Variants in ATAD5 observed in about 807,000 individuals in gnomAD.
ATAD5 encodes the protein ATPase family AAA domain containing 5, also known as ATPase family AAA domain-containing protein 5.
A neutral mutation model predicts 176.9 loss-of-function variants in ATAD5; 58 were observed. The ratio of observed to expected loss-of-function variants is 0.33; its 90% confidence interval spans 0.27 to 0.41. The LOEUF is 0.41. ATAD5 is among the 10% of genes least tolerant of loss of function. ATAD5 has a pLI of 1.00. For synonymous variants in ATAD5, 640 were observed against 712.6 expected, an observed-to-expected ratio of 0.90 and a Z score of 1.62; for missense variants, 1,789 against 2,094.1, an observed-to-expected ratio of 0.85 and a Z score of 2.84.
chr17:30,834,619 A>G lies in ATAD5; in HGVS notation c.538A>G (p.Asn180Asp). The G allele has an allele frequency of 6.2e-7, 1 of 1,611,702 alleles. No homozygotes were observed. The highest frequency in any genetic ancestry group is 8.5e-7 in the Non-Finnish European group (1 of 1,179,478). The change falls in exon 2 of 23, where the codon AAT becomes GAT. Residue 180 changes from asparagine (N) to aspartate (D), a missense_variant. Asn to Asp is a conservative substitution (Grantham distance 23, BLOSUM62 1). Coordinates refer to ENST00000321990, the MANE Select transcript of ATAD5 (RefSeq NM_024857.5). The stretch of plus-strand genomic sequence containing the variant: ...CATTCAAGATACAAAAAGTCAACCA[A>G]ATACTATGACCTCCCTGCAAAATTC... Reference protein sequence around the residue: ...ENIQDTKSQPNTMTSLQNSKK... With the variant: ...ENIQDTKSQPDTMTSLQNSKK...
In ATAD5 at chr17:30,887,351, G is replaced by A; in HGVS notation, c.4237G>A (p.Glu1413Lys). 1.2e-6 allele frequency: 2 copies of A among 1,603,904 alleles called. No individual in the cohort carries two copies. Among genetic ancestry groups the A allele is most frequent in the South Asian group, 2.3e-5 (2 of 88,640 alleles). The change falls in exon 19 of 23, where the codon GAA becomes AAA. Residue 1413 changes from glutamate to lysine, a missense_variant. Coordinates refer to ENST00000321990, the MANE Select transcript of ATAD5 (RefSeq NM_024857.5). ...TAGAAGTGGAGGTGGAGTTTTAGAAGAACGACCATTAACCCTTTATCGTAA... is the reference window on the plus strand; with the variant it reads ...TAGAAGTGGAGGTGGAGTTTTAGAAAAACGACCATTAACCCTTTATCGTAA... ...WIRSGGGVLEERPLTLYRGNS... is the reference protein window; with the variant it reads ...WIRSGGGVLEKRPLTLYRGNS...
In ATAD5 at chr17:30,858,341, T is replaced by C. The variant is rs759585690; in HGVS notation, c.2956+18T>C. 3 of 1,411,902 alleles carry C rather than the reference T, an allele frequency of 2.1e-6. No individual in the cohort carries two copies. The highest frequency in any genetic ancestry group is 2.8e-6 in the Non-Finnish European group (3 of 1,071,080). The allele number at this position is 1,411,902 out of a possible 1,614,324, so 87.5% of individuals were successfully genotyped here. A position where few individuals can be genotyped will look rare whatever the true frequency, so the allele number is the denominator to read the frequency against. ...TAAACAAGGTTAGTGATAATTATTA[T>C]CATTTATGTTAACATACCAGTTTTG... On this transcript the variant is annotated intron_variant, in intron 9 of 22. Transcript: ENST00000321990.
chr17:30,858,434 G>A, intron 9 of ATAD5, 111 bp downstream of exon 9: 1 of 769,040 alleles, frequency 1.3e-6, no homozygotes, highest in South Asian at 5.1e-5. Context: ...CGCCCTGGCT[G>A]GAGTGCAGTG....
chr17:30,836,503 A>G (rs1242631466), intron 2 of ATAD5, among the ~76,000 whole-genome samples: 3 of 151,860 alleles, frequency 2.0e-5, no homozygotes, highest in African/African-American at 7.3e-5. Flanking sequence ...AGAGCTTCAA[A>G]AATGCTTCTT....
intron 19 of ATAD5, 124 bp downstream of exon 19, chr17:30,887,496 C>T: frequency 1.4e-6 from 1 of 733,578 alleles, no homozygotes; most frequent in Non-Finnish European, 2.2e-6. Flanking sequence ...GTGGGAGGAT[C>T]TCTTGAGGCC....
Position 30,843,875 on chromosome 17 carries a change from A to G in ATAD5, c.2242-38A>G, listed in dbSNP as rs1402938230. The G allele has an allele frequency of 2.6e-6, 3 of 1,149,800 alleles. No homozygotes were observed. In the East Asian group the frequency reaches 8.6e-5, roughly 33 times the overall value. 71.2% of individuals were successfully genotyped at this position (1,149,800 alleles called of 1,614,324 possible). On this transcript the variant is annotated intron_variant, in intron 4 of 22. Transcript: ENST00000321990. ...TTGAAATTTCAATGATATTAATTAT[A>G]TGATTTAATTAAAATTTATTCTCTT...
chr17:30,835,640 T>C lies in ATAD5; in HGVS notation c.1559T>C (p.Leu520Ser). 3.1e-6 allele frequency: 5 copies of C among 1,606,578 alleles called. No homozygotes were observed. Among genetic ancestry groups the C allele is most frequent in the Non-Finnish European group, 4.2e-6 (5 of 1,177,804 alleles). Residue 520 changes from leucine to serine, a missense_variant, in exon 2 of 23, where the codon TTA becomes TCA. Physicochemically the swap from Leu to Ser is moderately radical, Grantham distance 145. Around this residue, in one of 6 missense-constraint regions of ATAD5, gnomAD observed 696 missense variants for 712.5 expected, o/e 0.98. Transcript: ENST00000321990. ...AAACAATATCAAAATAGAATGAGTT[T>C]AAGACAAAGGAAAACAGAGTTTTTC... ...KEKQYQNRMS[L>S]RQRKTEFFKS...
chr17:30,860,063 G>A (rs1907532147), intron 9 of ATAD5, among the ~76,000 whole-genome samples: 2 of 151,756 alleles, frequency 1.3e-5, no homozygotes, highest in South Asian at 2.1e-4. Context: ...TCACTTTGTC[G>A]CCCAGGCTAG....
Position 30,834,816 on chromosome 17 carries a change from T to C in ATAD5, c.735T>C (p.His245=), listed in dbSNP as rs548306992. Residue 245 remains histidine, a synonymous_variant, in exon 2 of 23, where the codon CAT becomes CAC. Coordinates refer to ENST00000321990, the MANE Select transcript of ATAD5 (RefSeq NM_024857.5). ...AACAGATGGAGAATACTACAAGCCATGCAAACTCTAGAGATAACGTAACTG... is the reference window on the plus strand; with the variant it reads ...AACAGATGGAGAATACTACAAGCCACGCAAACTCTAGAGATAACGTAACTG... The part of the protein sequence containing the change: ...DTKQMENTTS[H]ANSRDNVTEA... 2.5e-6 allele frequency: 4 copies of C among 1,613,978 alleles called. No homozygotes were observed. The highest frequency in any genetic ancestry group is 1.1e-5 in the South Asian group (1 of 91,020).
At position 30,835,112 on chromosome 17, in the gene ATAD5, T is replaced by A; in HGVS notation, c.1031T>A (p.Leu344Ter). Reference sequence around the variant, plus strand: ...ACAGGGAAAATACCCCGAATTTTCTTGAAACAAAAGCAATTTGAAATGGAA... The same window carrying A: ...ACAGGGAAAATACCCCGAATTTTCTAGAAACAAAAGCAATTTGAAATGGAA... The part of the protein sequence containing the change: ...KKTGKIPRIF[L>*]KQKQFEMENS... Residue 344 changes from leucine (L) to a stop codon, truncating the protein, a stop_gained, in exon 2 of 23, where the codon TTG becomes TAG. Coordinates refer to ENST00000321990, the MANE Select transcript of ATAD5 (RefSeq NM_024857.5). LOFTEE classifies it high-confidence loss of function. 1 of 1,614,144 alleles carries A rather than the reference T, an allele frequency of 6.2e-7. No homozygotes were observed. Among genetic ancestry groups the A allele is most frequent in the Non-Finnish European group, 8.5e-7 (1 of 1,180,016 alleles).
Position 30,892,666 on chromosome 17 carries a change from T to C in ATAD5, c.4318T>C (p.Tyr1440His). The C allele has an allele frequency of 6.3e-7, 1 of 1,599,888 alleles. No individual in the cohort carries two copies. ...CSEHGLDNKIYPKNTKKKRVD... is the reference protein window; with the variant it reads ...CSEHGLDNKIHPKNTKKKRVD... ...TGAACATGGCCTTGATAACAAAATT[T>C]ACCCTAAAAATACTAAAAAGAAACG... Residue 1440 changes from tyrosine (Y) to histidine (H), a missense_variant, in exon 20 of 23, where the codon TAC (tyrosine) becomes CAC (histidine). Physicochemically the swap from Tyr to His is moderately conservative, Grantham distance 83. Coordinates refer to ENST00000321990, the MANE Select transcript of ATAD5 (RefSeq NM_024857.5).
rs778733612 is a variant in ATAD5 at position 30,885,623 on chromosome 17, C to CTTTTTTTTT, written c.4078-1553_4078-1545dup. On this transcript the variant is annotated intron_variant, in intron 18 of 22. Coordinates refer to ENST00000321990, the MANE Select transcript of ATAD5 (RefSeq NM_024857.5). ...AGGAAATTTCTTTTATTCCAACTTT[C>CTTTTTTTTT]TTTTTTTTTTTTTTTTTTTTTTTTG... is the stretch of plus-strand genomic sequence containing the variant. 2.3e-3 allele frequency among the ~76,000 whole-genome samples: 215 copies of CTTTTTTTTT among 93,786 alleles called. 1 individual carries two copies. Among genetic ancestry groups the CTTTTTTTTT allele is most frequent in the Middle Eastern group, 0.011 (1 of 90 alleles). The allele number at this position is 93,786 out of a possible 152,430, so 61.5% of individuals were successfully genotyped here.
chr17:30,853,021 CT>C (rs1567684855), intron 6 of ATAD5, among the ~76,000 whole-genome samples: 1 of 151,838 alleles, frequency 6.6e-6, no homozygotes, highest in Admixed American at 6.6e-5. Context: ...TCCCGAGTAG[CT>C]GGGATTACAG....
rs569986111 is a variant in ATAD5 at position 30,844,747 on chromosome 17, CAAAAAA to C, written c.2369-68_2369-63del. 4.0e-3 allele frequency: 1,375 copies of C among 346,022 alleles called. 1 individual carries two copies. The highest frequency in any genetic ancestry group is 0.022 in the African/African-American group (487 of 21,728). 21.4% of individuals were successfully genotyped at this position (346,022 alleles called of 1,614,324 possible). A position where few individuals can be genotyped will look rare whatever the true frequency, so the allele number is the denominator to read the frequency against. On this transcript the variant is annotated intron_variant, in intron 5 of 22. Coordinates refer to ENST00000321990, the MANE Select transcript of ATAD5 (RefSeq NM_024857.5). ...TGGGCTACAGAGTGAGACTCCATCT[CAAAAAA>C]AAAAAAAAAAAAAAAAAAAGAAAGT...
chr17:30,892,836 T>C, intron 20 of ATAD5, 48 bp downstream of exon 20: 3 of 1,392,526 alleles, frequency 2.2e-6, no homozygotes, highest in Non-Finnish European at 2.9e-6. Flanking sequence ...TTCCTTTTCA[T>C]ATTCCCAACA....
intron 4 of ATAD5, among the ~76,000 whole-genome samples, chr17:30,841,999 A>C (rs1906148687): frequency 6.6e-6 from 1 of 152,164 alleles, no homozygotes. Context: ...GGATGGGCAC[A>C]GTGGCTCACA....
intron 6 of ATAD5, among the ~76,000 whole-genome samples, chr17:30,846,396 GTT>G (rs11324585): frequency 0.01 from 1,503 of 143,298 alleles, 24 homozygotes; most frequent in African/African-American, 0.037. Flanking sequence ...AGAGTTTGAG[GTT>G]TTTTTTTTTT....
chr17:30,870,927 A>G (rs1244003164), intron 14 of ATAD5, among the ~76,000 whole-genome samples: 1 of 151,872 alleles, frequency 6.6e-6, no homozygotes, highest in African/African-American at 2.4e-5. Flanking sequence ...TCTTGCATAT[A>G]TGAGTTTATA....
intron 3 of ATAD5, 63 bp downstream of exon 3, chr17:30,837,377 A>T: frequency 9.1e-7 from 1 of 1,095,420 alleles, no homozygotes. Flanking sequence ...CAAACAAAAA[A>T]CCCCCACATT....
Sources: allele counts gnomAD v4.1 joint callset (sites outside exome capture counted in the v4.1 genomes callset), GRCh38; gene constraint gnomAD v4.1.1; regional missense constraint gnomAD v4.1.1; transcripts MANE v1.5; gene names NCBI Gene and HGNC (gene_info 2026-07-23, HGNC 2026-07-21).